The following TRPC5 variants were observed in gnomAD, a reference collection of about 807,000 sequenced individuals.
The protein encoded by TRPC5 is short transient receptor potential channel 5.
A neutral mutation model predicts 56.5 loss-of-function variants in TRPC5; 9 were observed. The ratio of observed to expected loss-of-function variants is 0.16; its 90% confidence interval spans 0.10 to 0.28. TRPC5 has a LOEUF of 0.28. Ranked by LOEUF, TRPC5 falls within the 10% of genes least tolerant of loss-of-function variation. The pLI, the probability that TRPC5 is intolerant of heterozygous loss-of-function variation, is 1.00. For synonymous variants in TRPC5, 282 were observed against 278.5 expected, an observed-to-expected ratio of 1.01 and a Z score of -0.13; for missense variants, 469 against 748.9, an observed-to-expected ratio of 0.63 and a Z score of 4.36.
chrX:111,814,317 C>T (rs1009032068), intron 7 of TRPC5, among the ~76,000 whole-genome samples: 1 of 109,720 alleles, frequency 9.1e-6, no homozygotes, highest in Non-Finnish European at 1.9e-5. Context: ...AGCCAATTCC[C>T]TCCCACAAAA....
chrX:112,036,372 A>G (rs1929741889), intron 1 of TRPC5, among the ~76,000 whole-genome samples: 1 of 111,956 alleles, frequency 8.9e-6, no homozygotes, highest in African/African-American at 3.3e-5. Flanking sequence ...AATGAAGATG[A>G]GTGCCTTGCA....
At chrX:111,777,382 C>CT in intron 10 of TRPC5, among the ~76,000 whole-genome samples, 1 of 110,927 alleles carries the variant, frequency 9.0e-6, no homozygotes, top group South Asian at 3.8e-4. Flanking sequence ...TTTTAAGACT[C>CT]TAACGAGTGA....
chrX:112,065,619 A>G (rs1334852710), intron 1 of TRPC5, among the ~76,000 whole-genome samples: 1 of 112,303 alleles, frequency 8.9e-6, no homozygotes, highest in Non-Finnish European at 1.9e-5. Flanking sequence ...GGCCAGGCCC[A>G]GTGGCTCACG....
chrX:111,806,730 G>A (rs1311725977), intron 7 of TRPC5, among the ~76,000 whole-genome samples: 2 of 111,626 alleles, frequency 1.8e-5, no homozygotes, highest in Non-Finnish European at 3.8e-5. Flanking sequence ...ATTAAATCAA[G>A]CTAATTAACA....
intron 1 of TRPC5, among the ~76,000 whole-genome samples, chrX:112,023,246 G>GTTTTTTTTTTTTTTTTTTT (rs1163231468): frequency 1.8e-5 from 1 of 56,680 alleles, no homozygotes; most frequent in African/African-American, 6.8e-5. Context: ...TTTTTTTTTT[G>GTTTTTTTTTTTTTTTTTTT]TTTTTTTTTT....
intron 1 of TRPC5, among the ~76,000 whole-genome samples, chrX:112,075,540 C>T (rs1046943311): frequency 8.9e-6 from 1 of 112,135 alleles, no homozygotes; most frequent in African/African-American, 3.2e-5. Flanking sequence ...TGATATGTTA[C>T]ATGGTGAAAA....
At chrX:111,876,978 G>A (rs1380575574) in intron 3 of TRPC5, among the ~76,000 whole-genome samples, 2 of 111,192 alleles carry the variant, frequency 1.8e-5, no homozygotes, top group African/African-American at 3.3e-5. Context: ...TGCTGTTCTC[G>A]GAGTTCATTC....
intron 7 of TRPC5, among the ~76,000 whole-genome samples, chrX:111,821,584 G>A (rs192796840): frequency 8.9e-6 from 1 of 111,852 alleles, no homozygotes; most frequent in Non-Finnish European, 1.9e-5. Context: ...CAAGGCTCCA[G>A]TAACCACAGG....
At chrX:111,971,291 T>C (rs1452071226) in intron 1 of TRPC5, among the ~76,000 whole-genome samples, 1 of 111,869 alleles carries the variant, frequency 8.9e-6, no homozygotes, top group Non-Finnish European at 1.9e-5. Context: ...GTTTATACTA[T>C]GAAGACAGGC....
chrX:111,988,810 G>A (rs956148517), intron 1 of TRPC5, among the ~76,000 whole-genome samples: 1 of 111,086 alleles, frequency 9.0e-6, no homozygotes, highest in Admixed American at 9.6e-5. Context: ...AAAACTTGTT[G>A]TCTCATATTC....
chrX:111,981,114 A>G (rs1928071331), intron 1 of TRPC5, among the ~76,000 whole-genome samples: 1 of 110,030 alleles, frequency 9.1e-6, no homozygotes, highest in South Asian at 3.9e-4. Flanking sequence ...CAAGATCTGC[A>G]GTCAGCAAGC....
intron 1 of TRPC5, among the ~76,000 whole-genome samples, chrX:112,046,242 G>A (rs1276061729): frequency 1.9e-5 from 2 of 104,349 alleles, no homozygotes; most frequent in African/African-American, 7.1e-5. Flanking sequence ...TAGAAGAAAG[G>A]ATTATAAAGA....
chrX:111,914,842 G>T (rs6642967), intron 2 of TRPC5, among the ~76,000 whole-genome samples: 2 of 111,848 alleles, frequency 1.8e-5, no homozygotes, highest in Non-Finnish European at 3.8e-5. Flanking sequence ...AGTTGGGAGA[G>T]ATGGGGAAGT....
rs770547338 is a variant in TRPC5 at position 111,924,465 on chromosome X, CT to C, written c.379-11654del. ...AAGTAGCCTCACGGTAAGGAGAGGCCTTTAAAAAAAAAAAAGAGGTAAAAAG... is the reference window on the plus strand; with the variant it reads ...AAGTAGCCTCACGGTAAGGAGAGGCCTTAAAAAAAAAAAAGAGGTAAAAAG... On this transcript the variant is annotated intron_variant, in intron 2 of 10. Coordinates refer to ENST00000262839, the MANE Select transcript of TRPC5 (RefSeq NM_012471.3). Among the ~76,000 whole-genome samples, 7 of 107,697 alleles carry C rather than the reference CT, an allele frequency of 6.5e-5. No individual in the cohort carries two copies. In the East Asian group the frequency reaches 1.7e-3, roughly 27 times the overall value. 93.5% of individuals were successfully genotyped at this position (107,697 alleles called of 115,157 possible). A position where few individuals can be genotyped will look rare whatever the true frequency, so the allele number is the denominator to read the frequency against.
At chrX:111,788,701 G>A (rs187199403) in intron 7 of TRPC5, among the ~76,000 whole-genome samples, 47 of 111,873 alleles carry the variant, frequency 4.2e-4, no homozygotes, top group African/African-American at 1.5e-3. Context: ...AAGCTGATAC[G>A]CAACTTCAAC....
chrX:111,768,856 G>A lies in TRPC5; in HGVS notation c.*7457C>T, dbSNP rs754180030. Among the ~76,000 whole-genome samples the A allele has an allele frequency of 2.7e-5, 3 of 111,299 alleles. No individual in the cohort carries two copies. Among genetic ancestry groups the A allele is most frequent in the East Asian group, 5.7e-4 (2 of 3,533 alleles). ...AATTCTGGCTGCTTCTCCTGCCCAC[G>A]TACACTAAGCACAGTTATCACTGAT... On this transcript the variant is annotated 3_prime_UTR_variant, in exon 11 of 11. Coordinates refer to ENST00000262839, the MANE Select transcript of TRPC5 (RefSeq NM_012471.3).
At chrX:111,840,780 T>C (rs1922706969) in intron 6 of TRPC5, among the ~76,000 whole-genome samples, 2 of 112,162 alleles carry the variant, frequency 1.8e-5, no homozygotes, top group South Asian at 7.4e-4. Flanking sequence ...CACTTTAAAG[T>C]ACTTTGCATA....
chrX:111,989,399 C>A (rs1928294410), intron 1 of TRPC5, among the ~76,000 whole-genome samples: 1 of 111,155 alleles, frequency 9.0e-6, no homozygotes, highest in South Asian at 3.8e-4. Flanking sequence ...CAGGAGTGAC[C>A]CCTGAAGATC....
At chrX:112,062,012 T>C (rs1041608609) in intron 1 of TRPC5, among the ~76,000 whole-genome samples, 6 of 111,867 alleles carry the variant, frequency 5.4e-5, no homozygotes, top group Non-Finnish European at 1.1e-4. Flanking sequence ...CTATATGTTA[T>C]AGGGATTCTT....
Sources: allele counts gnomAD v4.1 joint callset (sites outside exome capture counted in the v4.1 genomes callset), GRCh38; gene constraint gnomAD v4.1.1; transcripts MANE v1.5; gene names NCBI Gene and HGNC (gene_info 2026-07-23, HGNC 2026-07-21).